Variants in NHSL3 observed in about 807,000 individuals in gnomAD.
NHSL3 encodes the protein NHS like 3, also known as NHS-like protein 3.
chr1:32,750,808 T>TTTTA, the NHSL3 span, among the ~76,000 whole-genome samples: 6 of 140,048 alleles, frequency 4.3e-5, no homozygotes, highest in East Asian at 4.5e-4. Flanking sequence ...GCCCGGCCCC[T>TTTTA]TTTATTTATT....
chr1:32,768,160 C>G, the NHSL3 span: 1 of 1,305,602 alleles, frequency 7.7e-7, no homozygotes, highest in Non-Finnish European at 1.1e-6. Context: ...TCTCTACCTG[C>G]TTGACCCCTG....
the NHSL3 span, among the ~76,000 whole-genome samples, chr1:32,752,948 CACATATAT>C: frequency 4.2e-3 from 135 of 32,176 alleles, no homozygotes; most frequent in African/African-American, 0.019. Flanking sequence ...CACACACACA[CACATATAT>C]ATATATATAT....
chr1:32,747,069 G>T, the NHSL3 span, among the ~76,000 whole-genome samples: 3 of 152,172 alleles, frequency 2.0e-5, no homozygotes, highest in East Asian at 1.9e-4. Context: ...TCCTTTCATG[G>T]TGTGGAGTTG....
chr1:32,750,878 C>A, the NHSL3 span, among the ~76,000 whole-genome samples: 1 of 151,776 alleles, frequency 6.6e-6, no homozygotes. Context: ...GTGGTGTGAT[C>A]TCAGCTCACT....
chr1:32,768,036 C>T, the NHSL3 span: 7 of 1,613,516 alleles, frequency 4.3e-6, no homozygotes, highest in Admixed American at 1.0e-4. Flanking sequence ...GGGCCTAACC[C>T]AACAGACCCT....
chr1:32,771,037 C>T, the NHSL3 span: 3 of 1,595,658 alleles, frequency 1.9e-6, no homozygotes, highest in Admixed American at 1.7e-5. Context: ...CACGTCTCTT[C>T]GCTCCCCTGG....
the NHSL3 span, among the ~76,000 whole-genome samples, chr1:32,752,272 ACT>A: frequency 6.6e-6 from 1 of 151,986 alleles, no homozygotes; most frequent in Non-Finnish European, 1.5e-5. Flanking sequence ...TTTAGCTTTG[ACT>A]CTCACATTTT....
chr1:32,769,965 C>T, the NHSL3 span: 2 of 1,607,160 alleles, frequency 1.2e-6, no homozygotes, highest in South Asian at 1.1e-5. Context: ...TGGACGGCCG[C>T]CCCCGAGGCA....
chr1:32,772,020 C>G, the NHSL3 span: 9 of 1,604,362 alleles, frequency 5.6e-6, no homozygotes, highest in Non-Finnish European at 3.4e-6. Flanking sequence ...GTGAAGGCCT[C>G]TCAAGTGCTC....
the NHSL3 span, chr1:32,754,151 G>A: frequency 5.6e-6 from 4 of 712,076 alleles, no homozygotes; most frequent in Non-Finnish European, 1.0e-5. Flanking sequence ...AGCTTCTGGC[G>A]GTTCGGGCGG....
At chr1:32,766,026 G>C in the NHSL3 span, among the ~76,000 whole-genome samples, 8 of 152,136 alleles carry the variant, frequency 5.3e-5, no homozygotes, top group South Asian at 2.1e-4. Flanking sequence ...CTGCTTGTGG[G>C]TTGGGAGGAT....
the NHSL3 span, chr1:32,765,951 A>T: frequency 1.1e-6 from 1 of 912,272 alleles, no homozygotes; most frequent in Non-Finnish European, 1.7e-6. Flanking sequence ...GCTGATAATG[A>T]GGCCAGAATC....
the NHSL3 span, among the ~76,000 whole-genome samples, chr1:32,753,679 C>T: frequency 6.6e-6 from 1 of 152,170 alleles, no homozygotes; most frequent in African/African-American, 2.4e-5. Flanking sequence ...GTGACAGTCA[C>T]GGGGAGGTGG....
chr1:32,768,255 G>T, the NHSL3 span: 3 of 733,332 alleles, frequency 4.1e-6, no homozygotes, highest in Non-Finnish European at 7.2e-6. Flanking sequence ...CTAGTTCAGG[G>T]TTGCTCAGTG....
At chr1:32,769,097 A>ACAAAAAATTAGC in the NHSL3 span, among the ~76,000 whole-genome samples, 2 of 152,130 alleles carry the variant, frequency 1.3e-5, no homozygotes, top group African/African-American at 2.4e-5. Flanking sequence ...TACTAAAAAT[A>ACAAAAAATTAGC]CAAAAAATTA....
At chr1:32,770,023 G>A in the NHSL3 span, 10 of 1,592,934 alleles carry the variant, frequency 6.3e-6, no homozygotes, top group Admixed American at 1.6e-4. The surrounding 1 kb of genome is among the most constrained non-coding windows in gnomAD (Gnocchi z 8.3). Context: ...GGAGGCGGAG[G>A]CGGAGGCTGG....
At chr1:32,760,460 G>A in the NHSL3 span, among the ~76,000 whole-genome samples, 1 of 152,194 alleles carries the variant, frequency 6.6e-6, no homozygotes, top group African/African-American at 2.4e-5. Flanking sequence ...CTGAGTAGGG[G>A]CTACACACAC....
chr1:32,747,175 GGTTT>G, the NHSL3 span, among the ~76,000 whole-genome samples: 1 of 151,208 alleles, frequency 6.6e-6, no homozygotes, highest in Non-Finnish European at 1.5e-5. Context: ...TGACAAAGAT[GGTTT>G]TTTTTTTGTT....
At chr1:32,771,286 A>G in the NHSL3 span, 11 of 1,606,378 alleles carry the variant, frequency 6.8e-6, no homozygotes, top group Non-Finnish European at 9.4e-6. Flanking sequence ...CACTGACGCC[A>G]GTCCTCAGTC....
Sources: gnomAD v4.1 joint callset for allele counts (sites outside exome capture counted in the v4.1 genomes callset) on GRCh38, gnomAD v4.1.1 for gene constraint, Gnocchi (gnomAD v3.1) non-coding constraint, MANE v1.5 for transcripts, NCBI Gene and HGNC (gene_info 2026-07-23, HGNC 2026-07-21) for gene names.